Variants in ST6GALNAC3 observed in about 807,000 individuals in gnomAD.
The protein encoded by ST6GALNAC3 is alpha-N-acetylgalactosaminide alpha-2,6-sialyltransferase 3.
Under a neutral mutation model 32.7 loss-of-function variants are expected in ST6GALNAC3, and 25 were observed. The observed-to-expected ratio is 0.76, with a 90% CI of 0.56 to 1.07. The LOEUF (loss-of-function observed/expected upper bound fraction) is 1.07, where lower values mean the gene tolerates loss of function less well. Ranked by LOEUF, ST6GALNAC3 falls within the 50% of genes least tolerant of loss-of-function variation. ST6GALNAC3 has a pLI of 0.00. For missense variants in ST6GALNAC3, 355 were observed against 382.4 expected, an observed-to-expected ratio of 0.93 and a Z score of 0.60; for synonymous variants, 129 against 133.1, an observed-to-expected ratio of 0.97 and a Z score of 0.21.
rs1660221617 is a variant in ST6GALNAC3 at position 76,487,759 on chromosome 1, T to C, written c.623+75342T>C. On this transcript the variant is annotated intron_variant, in intron 3 of 4. Coordinates refer to ENST00000328299, the MANE Select transcript of ST6GALNAC3 (RefSeq NM_152996.4). ...TCATTCTCCATCCACCTTTGTTCCG[T>C]TGGCTGGCGAGGAGCTGTGTTACTT... Among the ~76,000 whole-genome samples the C allele has an allele frequency of 2.6e-5, 4 of 152,242 alleles. No individual in the cohort carries two copies. In the South Asian group the frequency reaches 8.3e-4, roughly 32 times the overall value.
At chr1:76,416,204 T>C (rs1433695655) in intron 3 of ST6GALNAC3, among the ~76,000 whole-genome samples, 1 of 152,140 alleles carries the variant, frequency 6.6e-6, no homozygotes, top group Non-Finnish European at 1.5e-5. Context: ...AAAGTATATG[T>C]TGGTAATAGT....
At chr1:76,327,297 T>C (rs1647095082) in intron 2 of ST6GALNAC3, among the ~76,000 whole-genome samples, 1 of 151,536 alleles carries the variant, frequency 6.6e-6, no homozygotes, top group Non-Finnish European at 1.5e-5. Flanking sequence ...TGTGTGTGTG[T>C]GTGTGTGTGT....
At chr1:76,434,050 A>C (rs1036392080) in intron 3 of ST6GALNAC3, among the ~76,000 whole-genome samples, 5 of 152,074 alleles carry the variant, frequency 3.3e-5, no homozygotes, top group Non-Finnish European at 7.4e-5. Context: ...TTATTTGCTC[A>C]CTCCTCACAG....
At chr1:76,478,672 C>T (rs1027738980) in intron 3 of ST6GALNAC3, among the ~76,000 whole-genome samples, 2 of 151,952 alleles carry the variant, frequency 1.3e-5, no homozygotes, top group Non-Finnish European at 2.9e-5. Flanking sequence ...ACTATTTTTT[C>T]CAGTCTTGTG....
chr1:76,585,622 G>T (rs938993669), intron 3 of ST6GALNAC3, among the ~76,000 whole-genome samples: 1 of 152,078 alleles, frequency 6.6e-6, no homozygotes, highest in African/African-American at 2.4e-5. Flanking sequence ...TGAGGGCCCA[G>T]GAATAATATG....
intron 1 of ST6GALNAC3, among the ~76,000 whole-genome samples, chr1:76,275,898 G>A (rs3920772): frequency 0.14 from 22,022 of 152,050 alleles, 2,842 homozygotes; most frequent in African/African-American, 0.33. Context: ...TTGATTCAGC[G>A]GTTCAACAGT....
intron 3 of ST6GALNAC3, 114 bp downstream of exon 3, chr1:76,412,531 T>C (rs1654333129): frequency 4.3e-6 from 5 of 1,162,450 alleles, no homozygotes; most frequent in Non-Finnish European, 5.9e-6. Context: ...CTGATTGTTA[T>C]ATGTTTTGAC....
intron 1 of ST6GALNAC3, among the ~76,000 whole-genome samples, chr1:76,091,138 C>T (rs1260774593): frequency 1.3e-5 from 2 of 152,152 alleles, no homozygotes; most frequent in Non-Finnish European, 2.9e-5. Context: ...CTTGCACTGG[C>T]CCCAGACCAT....
intron 2 of ST6GALNAC3, among the ~76,000 whole-genome samples, chr1:76,406,563 G>A (rs541951679): frequency 1.3e-5 from 2 of 152,080 alleles, no homozygotes; most frequent in East Asian, 3.9e-4. Flanking sequence ...AATTTTTTAT[G>A]TCATGCTAGC....
At chr1:76,142,751 T>C (rs1650407566) in intron 1 of ST6GALNAC3, 1 of 417,846 alleles carries the variant, frequency 2.4e-6, no homozygotes, top group African/African-American at 2.1e-5. Flanking sequence ...AGCGTCCAGC[T>C]GTGGTTATCT....
chr1:76,413,430 A>G (rs1654405691), intron 3 of ST6GALNAC3, among the ~76,000 whole-genome samples: 1 of 152,168 alleles, frequency 6.6e-6, no homozygotes. Flanking sequence ...AATTTTTTCA[A>G]AATGTATGTA....
chr1:76,211,433 T>C (rs143452187), intron 1 of ST6GALNAC3, among the ~76,000 whole-genome samples: 8,510 of 152,260 alleles, frequency 0.056, 233 homozygotes, highest in African/African-American at 0.073. Context: ...ATCCCATTAC[T>C]GGGTATATAC....
At chr1:76,083,345 G>A (rs1373089736) in intron 1 of ST6GALNAC3, among the ~76,000 whole-genome samples, 2 of 152,256 alleles carry the variant, frequency 1.3e-5, no homozygotes, top group South Asian at 2.1e-4. Context: ...TGTTTGCTGC[G>A]CGGCTGGCCG....
rs564309627 is a variant in ST6GALNAC3 at position 76,115,790 on chromosome 1, T to A, written c.18+40906T>A. On this transcript the variant is annotated intron_variant, in intron 1 of 4. Coordinates refer to ENST00000328299, the MANE Select transcript of ST6GALNAC3 (RefSeq NM_152996.4). The stretch of plus-strand genomic sequence containing the variant: ...TATGTCAGTGTTTTGAATCAGAATA[T>A]GAGGTGTGAAAAATACTTCATTCGA... Among the ~76,000 whole-genome samples the A allele has an allele frequency of 5.9e-5, 9 of 152,344 alleles. No homozygotes were observed. The South Asian group carries it at 6.2e-4, about 11-fold the overall frequency.
At chr1:76,491,983 T>A (rs1253793038) in intron 3 of ST6GALNAC3, among the ~76,000 whole-genome samples, 1 of 152,228 alleles carries the variant, frequency 6.6e-6, no homozygotes, top group Non-Finnish European at 1.5e-5. Flanking sequence ...TCAGCCAAAA[T>A]TTCCAATTAA....
chr1:76,524,730 T>C (rs934295371), intron 3 of ST6GALNAC3, among the ~76,000 whole-genome samples: 3 of 149,286 alleles, frequency 2.0e-5, no homozygotes, highest in Admixed American at 1.3e-4. Context: ...TTTTTTTTTT[T>C]ACAGAACGTG....
intron 1 of ST6GALNAC3, among the ~76,000 whole-genome samples, chr1:76,205,449 G>A (rs1008240846): frequency 1.3e-5 from 2 of 152,098 alleles, no homozygotes; most frequent in African/African-American, 4.8e-5. Context: ...ATTCCCTACA[G>A]AAGACTGACC....
chr1:76,334,907 G>C lies in ST6GALNAC3; in HGVS notation c.213+20908G>C, dbSNP rs534523169. Among the ~76,000 whole-genome samples the C allele has an allele frequency of 3.9e-5, 6 of 152,274 alleles. No homozygotes were observed. In the East Asian group the frequency reaches 1.2e-3, roughly 29 times the overall value. ...AGAGCTGGAATAATACTAAGAATAT[G>C]CATAACTCCTGGGTGTGCATTAGAA... is the stretch of plus-strand genomic sequence containing the variant. On this transcript the variant is annotated intron_variant, in intron 2 of 4. Coordinates refer to ENST00000328299, the MANE Select transcript of ST6GALNAC3 (RefSeq NM_152996.4).
chr1:76,081,205 T>A (rs1146662), intron 1 of ST6GALNAC3, among the ~76,000 whole-genome samples: 5,859 of 151,566 alleles, frequency 0.039, 287 homozygotes, highest in African/African-American at 0.1. Context: ...TTCAAACTTT[T>A]GGCTTCCTTG....
Sources: gnomAD v4.1 joint callset for allele counts (sites outside exome capture counted in the v4.1 genomes callset) on GRCh38, gnomAD v4.1.1 for gene constraint, MANE v1.5 for transcripts, NCBI Gene and HGNC (gene_info 2026-07-23, HGNC 2026-07-21) for gene names.